Variants in PTPRR observed in about 807,000 individuals in gnomAD.
The protein encoded by PTPRR is protein tyrosine phosphatase receptor type R.
In PTPRR, 38 loss-of-function variants were observed where a neutral mutation model predicts 77.2. The observed-to-expected ratio is 0.49, with a 90% confidence interval of 0.38 to 0.65. The LOEUF is 0.65. PTPRR is among the 30% of genes least tolerant of loss of function. The pLI is 0.00. For synonymous variants in PTPRR, 299 were observed against 283.1 expected (o/e 1.06, Z -0.57); for missense variants, 744 against 799.2 (o/e 0.93, Z 0.83).
chr12:70,726,957 G>A (rs566320786), intron 6 of PTPRR, among the ~76,000 whole-genome samples: 37 of 151,934 alleles, frequency 2.4e-4, no homozygotes, highest in African/African-American at 6.8e-4. Context: ...GTATATTTAC[G>A]CAGGGGATGG....
rs578204454 is a variant in PTPRR, at chr12:70,682,034, C to CTTTT, written c.1497+2089_1497+2092dup. The stretch of plus-strand genomic sequence containing the variant: ...TAGGCAGATTTATTTTTGTTGTTCA[C>CTTTT]TTTTTTTTTTTTTTTTTTTTTTTTT... On this transcript the variant is annotated intron_variant, in intron 10 of 13. Coordinates refer to ENST00000283228, the MANE Select transcript of PTPRR (RefSeq NM_002849.4). Among the ~76,000 whole-genome samples the CTTTT allele has an allele frequency of 7.7e-4, 48 of 62,720 alleles. 3 individuals carry two copies. The highest frequency in any genetic ancestry group is 1.3e-3 in the East Asian group (2 of 1,554). The allele number at this position is 62,720 out of a possible 152,430, so 41.1% of individuals were successfully genotyped here.
intron 2 of PTPRR, among the ~76,000 whole-genome samples, chr12:70,828,076 T>A (rs1039656475): frequency 1.3e-5 from 2 of 152,184 alleles, no homozygotes; most frequent in African/African-American, 4.8e-5. Flanking sequence ...CTCTCATGAC[T>A]TGATCACCTA....
chr12:70,809,588 C>T (rs942830032), intron 2 of PTPRR, among the ~76,000 whole-genome samples: 1 of 152,094 alleles, frequency 6.6e-6, no homozygotes, highest in African/African-American at 2.4e-5. Flanking sequence ...CTTCTCCCAC[C>T]ACCCCACCAG....
At chr12:70,795,928 T>TA (rs1891504172) in intron 2 of PTPRR, among the ~76,000 whole-genome samples, 1 of 126,462 alleles carries the variant, frequency 7.9e-6, no homozygotes, top group Non-Finnish European at 1.7e-5. Context: ...TTTTTTTTTT[T>TA]TTTTTTTTTT....
intron 8 of PTPRR, among the ~76,000 whole-genome samples, chr12:70,696,926 C>T (rs1391419997): frequency 6.6e-6 from 1 of 152,174 alleles, no homozygotes; most frequent in Non-Finnish European, 1.5e-5. Context: ...CAAGGTTCAT[C>T]AGTGCCTTGT....
At chr12:70,896,407 A>T (rs1308214456) in intron 1 of PTPRR, among the ~76,000 whole-genome samples, 2 of 151,634 alleles carry the variant, frequency 1.3e-5, no homozygotes, top group Non-Finnish European at 3.0e-5. Flanking sequence ...TAGAACACAC[A>T]ACCCAAAACA....
intron 7 of PTPRR, 63 bp downstream of exon 7, chr12:70,701,074 C>T (rs893221859): frequency 4.4e-5 from 68 of 1,549,488 alleles, no homozygotes; most frequent in Middle Eastern, 3.4e-4. Context: ...CATTTCCATA[C>T]GTCTCTAGTG....
chr12:70,808,702 A>G (rs1891755463), intron 2 of PTPRR, among the ~76,000 whole-genome samples: 1 of 152,176 alleles, frequency 6.6e-6, no homozygotes, highest in South Asian at 2.1e-4. Flanking sequence ...TTCAGAGCAC[A>G]TAACTTCCTT....
At chr12:70,705,716 TC>T (rs1336435522) in intron 6 of PTPRR, among the ~76,000 whole-genome samples, 1 of 150,900 alleles carries the variant, frequency 6.6e-6, no homozygotes, top group African/African-American at 2.5e-5. Flanking sequence ...AGATTTGACT[TC>T]CGAGATTTTT....
intron 13 of PTPRR, among the ~76,000 whole-genome samples, chr12:70,641,241 A>G (rs1451566743): frequency 6.6e-6 from 1 of 152,182 alleles, no homozygotes; most frequent in Non-Finnish European, 1.5e-5. Flanking sequence ...TCAGGGCACC[A>G]TTACTCCCTC....
intron 2 of PTPRR, among the ~76,000 whole-genome samples, chr12:70,804,178 T>TGTGTGTGTGTGTGTGTGTG (rs1555176949): frequency 2.0e-5 from 3 of 150,866 alleles, no homozygotes; most frequent in Non-Finnish European, 3.0e-5. Flanking sequence ...TGTGTGTGTG[T>TGTGTGTGTGTGTGTGTGTG]TAAGGTTAAC....
intron 6 of PTPRR, among the ~76,000 whole-genome samples, chr12:70,733,470 C>CAAAAAAAAAAAAAAAAA (rs1193950231): frequency 4.0e-5 from 3 of 74,082 alleles, no homozygotes; most frequent in Admixed American, 1.2e-4. Context: ...AAAATTATGG[C>CAAAAAAAAAAAAAAAAA]AAAAAAAAAA....
intron 6 of PTPRR, among the ~76,000 whole-genome samples, chr12:70,712,255 A>G (rs1888852158): frequency 6.6e-6 from 1 of 152,074 alleles, no homozygotes; most frequent in Non-Finnish European, 1.5e-5. Context: ...AAGAGAATGC[A>G]CTTGATTTGA....
In PTPRR at chr12:70,874,890, C is replaced by T. The variant is rs140392843; in HGVS notation, c.357+17789G>A. Among the ~76,000 whole-genome samples the T allele has an allele frequency of 2.9e-3, 411 of 142,666 alleles. 4 individuals carry two copies. The highest frequency in any genetic ancestry group is 0.011 in the African/African-American group (396 of 36,834). 93.6% of individuals were successfully genotyped at this position (142,666 alleles called of 152,430 possible). A position where few individuals can be genotyped will look rare whatever the true frequency, so the allele number is the denominator to read the frequency against. On this transcript the variant is annotated intron_variant, in intron 2 of 13. Coordinates refer to ENST00000283228, the MANE Select transcript of PTPRR (RefSeq NM_002849.4). ...TTAGCGGAGATCGGGCCACTGCACTCCAGCCCAGTGACAGAGTGAGACTCC... is the reference window on the plus strand; with the variant it reads ...TTAGCGGAGATCGGGCCACTGCACTTCAGCCCAGTGACAGAGTGAGACTCC...
intron 2 of PTPRR, among the ~76,000 whole-genome samples, chr12:70,804,738 C>T (rs1249269056): frequency 6.6e-6 from 1 of 152,120 alleles, no homozygotes; most frequent in Admixed American, 6.6e-5. Context: ...TGGCTTCCAC[C>T]ACACTACCCA....
At chr12:70,865,606 T>C (rs1202328985) in intron 2 of PTPRR, among the ~76,000 whole-genome samples, 2 of 152,182 alleles carry the variant, frequency 1.3e-5, no homozygotes, top group Non-Finnish European at 2.9e-5. Flanking sequence ...TACTGAATGA[T>C]AACGCTCATC....
chr12:70,788,250 A>G (rs2137006668), intron 2 of PTPRR, among the ~76,000 whole-genome samples: 1 of 152,326 alleles, frequency 6.6e-6, no homozygotes, highest in Non-Finnish European at 1.5e-5. Flanking sequence ...GTCTCATAGC[A>G]CTGACTTTCA....
At chr12:70,879,058 C>T (rs1009070307) in intron 2 of PTPRR, among the ~76,000 whole-genome samples, 1 of 151,992 alleles carries the variant, frequency 6.6e-6, no homozygotes, top group Admixed American at 6.6e-5. Context: ...ACAATGAGAA[C>T]ACTTGGACAC....
At chr12:70,905,736 C>G (rs1052358103) in intron 1 of PTPRR, among the ~76,000 whole-genome samples, 32 of 151,926 alleles carry the variant, frequency 2.1e-4, no homozygotes, top group African/African-American at 7.7e-4. Flanking sequence ...CTTGTATACA[C>G]TCTCTCAGAA....
Sources: allele counts gnomAD v4.1 joint callset (sites outside exome capture counted in the v4.1 genomes callset), GRCh38; gene constraint gnomAD v4.1.1; transcripts MANE v1.5; gene names NCBI Gene and HGNC (gene_info 2026-07-23, HGNC 2026-07-21).